The following FLT4 variants were observed in gnomAD, a reference collection of about 807,000 sequenced individuals.
FLT4 encodes the protein vascular endothelial growth factor receptor 3.
FLT4 carries 30 observed loss-of-function variants against 163.2 expected under a neutral mutation model. The ratio of observed to expected loss-of-function variants is 0.18; its 90% CI spans 0.14 to 0.25. FLT4 has a LOEUF of 0.25. Ranked by LOEUF, FLT4 falls within the 10% of genes least tolerant of loss-of-function variation. The probability of loss-of-function intolerance (pLI) is 1.00; values close to 1 mark genes in which losing one functional copy is unlikely to be tolerated. For synonymous variants in FLT4, 884 were observed against 789.5 expected, an observed-to-expected ratio of 1.12 and a Z score of -2.01; for missense variants, 1,510 against 1,863.8, an observed-to-expected ratio of 0.81 and a Z score of 3.50.
At position 180,609,323 on chromosome 5, in the gene FLT4, C is replaced by T. The variant is rs117957002; in HGVS notation, c.3808-270G>A. 9.4e-4 allele frequency: 517 copies of T among 549,122 alleles called. 5 individuals carry two copies. The East Asian group carries it at 0.014, about 15-fold the overall frequency. 34.0% of individuals were successfully genotyped at this position (549,122 alleles called of 1,614,324 possible). On this transcript the variant is annotated intron_variant, in intron 28 of 29. Transcript: ENST00000261937. ...GACCTCCACGGTGGCCAAGCATATG[C>T]TCAGTGTGTGAAGAGCAGGAGCCGT...
At chr5:180,611,644 C>T (rs1366092817) in intron 26 of FLT4, 165 bp from the exon 27 acceptor site, 12 of 753,604 alleles carry the variant, frequency 1.6e-5, no homozygotes, top group East Asian at 8.1e-5. Context: ...CCTCAGCCCT[C>T]GCTCTGCCCT....
At chr5:180,603,853 G>C (rs980650975) in intron 29 of FLT4, among the ~76,000 whole-genome samples, 1 of 151,588 alleles carries the variant, frequency 6.6e-6, no homozygotes, top group African/African-American at 2.4e-5. Flanking sequence ...GCAGTGAGCT[G>C]AGATCGCACC....
chr5:180,607,074 T>C (rs186414567), intron 29 of FLT4, among the ~76,000 whole-genome samples: 146 of 152,016 alleles, frequency 9.6e-4, no homozygotes, highest in African/African-American at 3.3e-3. Context: ...TGAGACTCTG[T>C]CTCAAAAAAT....
intron 1 of FLT4, among the ~76,000 whole-genome samples, chr5:180,646,972 C>T: frequency 6.6e-6 from 1 of 152,164 alleles, no homozygotes; most frequent in African/African-American, 2.4e-5. Flanking sequence ...CCTCAGAGCC[C>T]TGAGCTGGAG....
At chr5:180,609,382 G>T in intron 28 of FLT4, 1 of 465,814 alleles carries the variant, frequency 2.1e-6, no homozygotes, top group Non-Finnish European at 4.0e-6. Flanking sequence ...CAACCTGGCA[G>T]CTCGTAGTTC....
In FLT4 at chr5:180,622,834, C is replaced by T. The variant is rs778652599; in HGVS notation, c.1554G>A (p.Val518=). 6.2e-7 allele frequency: 1 copy of T among 1,610,790 alleles called. No individual in the cohort carries two copies. Among genetic ancestry groups the T allele is most frequent in the Non-Finnish European group, 8.5e-7 (1 of 1,177,536 alleles). ...TGGCATTCTGGATCACCAGCTTGCT[C>T]ACAGTCTGGGAGAGCACAGGCACAA... is the stretch of plus-strand genomic sequence containing the variant. ...TEFVEGKNKT[V]SKLVIQNANV... The change falls in exon 12 of 30, where the codon GTG becomes GTA. Residue 518 remains valine (V), a synonymous_variant. Coordinates refer to ENST00000261937, the MANE Select transcript of FLT4 (RefSeq NM_182925.5).
At chr5:180,633,601 C>A (rs1278193933) in intron 1 of FLT4, among the ~76,000 whole-genome samples, 1 of 152,158 alleles carries the variant, frequency 6.6e-6, no homozygotes, top group Non-Finnish European at 1.5e-5. Flanking sequence ...TGAGGTGGCT[C>A]CCCTCAGGTG....
At chr5:180,629,491 G>A (rs1482284136) in intron 6 of FLT4, 64 bp from the exon 7 acceptor site, 2 of 1,583,476 alleles carry the variant, frequency 1.3e-6, no homozygotes, top group Non-Finnish European at 1.7e-6. Context: ...CCCACCGAAG[G>A]CACACCTCCC....
At chr5:180,631,994 G>A (rs1188196560) in intron 1 of FLT4, among the ~76,000 whole-genome samples, 3 of 152,060 alleles carry the variant, frequency 2.0e-5, no homozygotes, top group African/African-American at 4.8e-5. Flanking sequence ...TCCCACAGGC[G>A]CACCCTGCCT....
rs550558168 is a variant in FLT4 at position 180,619,470 on chromosome 5, C to T, written c.2648-104G>A. The T allele has an allele frequency of 1.8e-5, 18 of 1,007,370 alleles. 1 individual carries two copies. In the Admixed American group the frequency reaches 3.0e-4, roughly 17 times the overall value. The allele number at this position is 1,007,370 out of a possible 1,614,324, so 62.4% of individuals were successfully genotyped here. ...GGAGGGTTACTAAGGGCCCCCAGGACATCCTGCCGGCCCCACTGAGGCAGA... is the reference window on the plus strand; with the variant it reads ...GGAGGGTTACTAAGGGCCCCCAGGATATCCTGCCGGCCCCACTGAGGCAGA... On this transcript the variant is annotated intron_variant, in intron 18 of 29. Coordinates refer to ENST00000261937, the MANE Select transcript of FLT4 (RefSeq NM_182925.5).
At chr5:180,615,265 C>T (rs1268757317) in intron 23 of FLT4, among the ~76,000 whole-genome samples, 1 of 115,108 alleles carries the variant, frequency 8.7e-6, no homozygotes, top group African/African-American at 3.0e-5. Flanking sequence ...ATCTCCACTT[C>T]CGAAATCCAC....
At chr5:180,649,624 T>TGGGGCGGGGCGGGGCGGGGC (rs908085275), upstream of FLT4, 1 of 642,468 alleles carries the variant, frequency 1.6e-6, no homozygotes, top group African/African-American at 2.0e-5. Context: ...CCGGCTGGCC[T>TGGGGCGGGGCGGGGCGGGGC]GGGGCGGGGC....
chr5:180,646,000 G>A (rs551067438), intron 1 of FLT4, among the ~76,000 whole-genome samples: 2 of 152,236 alleles, frequency 1.3e-5, no homozygotes, highest in South Asian at 2.1e-4. Flanking sequence ...AGGAAAATAC[G>A]GCAGCAGGAG....
intron 22 of FLT4, 142 bp downstream of exon 22, chr5:180,616,758 G>A (rs1762725289): frequency 2.3e-6 from 2 of 854,480 alleles, no homozygotes; most frequent in East Asian, 2.4e-5. Flanking sequence ...CATGCTTTGG[G>A]CAGAGTTTCC....
In FLT4 at chr5:180,639,396, TGGAC is replaced by T. The variant is rs1317596477; in HGVS notation, c.59-7622_59-7619del. 3.1e-4 allele frequency among the ~76,000 whole-genome samples: 44 copies of T among 144,148 alleles called. 2 individuals are homozygous for T. The highest frequency in any genetic ancestry group is 3.0e-3 in the South Asian group (13 of 4,374). 94.6% of individuals were successfully genotyped at this position (144,148 alleles called of 152,430 possible). A position where few individuals can be genotyped will look rare whatever the true frequency, so the allele number is the denominator to read the frequency against. The stretch of plus-strand genomic sequence containing the variant: ...GTGGATGGGTGGATGGATGGATGGA[TGGAC>T]GGATGGATGAGTGGATAAAAAGATG... On this transcript the variant is annotated intron_variant, in intron 1 of 29. Transcript: ENST00000261937.
chr5:180,621,549 C>T lies in FLT4; in HGVS notation c.2013G>A (p.Ser671=), dbSNP rs370019097. 6 of 1,611,808 alleles carry T rather than the reference C, an allele frequency of 3.7e-6. No individual in the cohort carries two copies. The African/African-American group carries it at 5.3e-5, about 14-fold the overall frequency. ...HDKHCHKKYL[S]VQALEAPRLT... The stretch of plus-strand genomic sequence containing the variant: ...CCCCGCGGCCAGCCTCACCCTGCAC[C>T]GACAGGTACTTCTTGTGGCAGTGCT... The change falls in exon 13 of 30, where the codon TCG becomes TCA. Residue 671 remains serine, a synonymous_variant. Transcript: ENST00000261937.
chr5:180,633,707 C>G (rs77999795), intron 1 of FLT4, among the ~76,000 whole-genome samples: 4,851 of 152,262 alleles, frequency 0.032, 283 homozygotes, highest in African/African-American at 0.11. Flanking sequence ...AGGAAGACAG[C>G]TGGGCATGTA....
Position 180,629,100 on chromosome 5 carries a change from G to A in FLT4, c.986-101C>T, listed in dbSNP as rs548069509. On this transcript the variant is annotated intron_variant, in intron 7 of 29. Coordinates refer to ENST00000261937, the MANE Select transcript of FLT4 (RefSeq NM_182925.5). ...CTGCAGCCCCGGCAGCCGGACATCCGCAGACTGGGGCTGGCCATGCCGCCC... is the reference window on the plus strand; with the variant it reads ...CTGCAGCCCCGGCAGCCGGACATCCACAGACTGGGGCTGGCCATGCCGCCC... The A allele has an allele frequency of 4.2e-5, 60 of 1,431,678 alleles. 1 individual carries two copies. In the African/African-American group the frequency reaches 4.2e-4, roughly 10 times the overall value. The allele number at this position is 1,431,678 out of a possible 1,614,324, so 88.7% of individuals were successfully genotyped here. A position where few individuals can be genotyped will look rare whatever the true frequency, so the allele number is the denominator to read the frequency against.
Position 180,610,025 on chromosome 5 carries a change from C to T in FLT4, c.3687G>A (p.Arg1229=). The T allele has an allele frequency of 6.2e-7, 1 of 1,614,100 alleles. No homozygotes were observed. The highest frequency in any genetic ancestry group is 1.1e-5 in the South Asian group (1 of 91,084). ...PSLQRHSLAA[R]YYNWVSFPGC... ...CGGGAAAGGACACCCAGTTGTAATA[C>T]CTGTGGGGAGAAATCAGAAGGTGCT... is the stretch of plus-strand genomic sequence containing the variant. The change falls in exon 28 of 30, where the codon AGG becomes AGA. Residue 1229 remains arginine (R), a splice_region_variant and synonymous_variant. Transcript: ENST00000261937.
Sources: allele counts gnomAD v4.1 joint callset (sites outside exome capture counted in the v4.1 genomes callset), GRCh38; gene constraint gnomAD v4.1.1; transcripts MANE v1.5; gene names NCBI Gene and HGNC (gene_info 2026-07-23, HGNC 2026-07-21).